Variants in SHISA9 observed in about 807,000 individuals in gnomAD.
SHISA9 encodes protein shisa-9.
SHISA9 carries 13 observed loss-of-function variants against 38.0 expected under a neutral mutation model. That is an observed-to-expected ratio of 0.34 (90% CI 0.22 to 0.54). SHISA9 has a LOEUF of 0.54. Among genes scored for constraint, SHISA9 ranks in the 20% least tolerant of loss-of-function variants. The pLI is 0.91. For missense variants in SHISA9, 538 were observed against 575.8 expected (o/e 0.93, Z 0.67); for synonymous variants, 275 against 242.0 (o/e 1.14, Z -1.27).
the SHISA9 span, among the ~76,000 whole-genome samples, chr16:13,524,003 C>T: frequency 1.3e-5 from 2 of 152,112 alleles, no homozygotes; most frequent in African/African-American, 4.8e-5. Context: ...CAGGAAAATG[C>T]AGAATTTACC....
chr16:12,905,010 G>A (rs1596519783), intron 1 of SHISA9, among the ~76,000 whole-genome samples: 1 of 152,234 alleles, frequency 6.6e-6, no homozygotes, highest in East Asian at 1.9e-4. Flanking sequence ...GAGCCACTGT[G>A]CCCGATTGCA....
intron 2 of SHISA9, among the ~76,000 whole-genome samples, chr16:13,149,830 C>T (rs1287700835): frequency 1.3e-5 from 2 of 150,142 alleles, no homozygotes; most frequent in East Asian, 2.0e-4. Flanking sequence ...GAGGCTGAGG[C>T]ACAAGAATCG....
chr16:13,038,481 C>T (rs895816676), intron 2 of SHISA9, among the ~76,000 whole-genome samples: 1 of 152,186 alleles, frequency 6.6e-6, no homozygotes, highest in Non-Finnish European at 1.5e-5. Flanking sequence ...CAACCTCTTG[C>T]TTCTTTGAGG....
At chr16:13,111,903 C>T (rs535400186) in intron 2 of SHISA9, among the ~76,000 whole-genome samples, 20 of 152,128 alleles carry the variant, frequency 1.3e-4, no homozygotes, top group Non-Finnish European at 2.6e-4. Context: ...TTCGTGGAAA[C>T]CCATTTCATC....
At chr16:12,972,210 A>AG (rs1439774616) in intron 2 of SHISA9, among the ~76,000 whole-genome samples, 1 of 152,210 alleles carries the variant, frequency 6.6e-6, no homozygotes, top group Admixed American at 6.5e-5. Context: ...GTCATATATT[A>AG]GCAAGAGTGA....
At chr16:12,972,284 A>G (rs1030764786) in intron 2 of SHISA9, among the ~76,000 whole-genome samples, 1 of 152,272 alleles carries the variant, frequency 6.6e-6, no homozygotes, top group African/African-American at 2.4e-5. Context: ...GAAACAGAAG[A>G]GCAGAATGAA....
At chr16:13,233,162 A>G (rs2051348518) in intron 4 of SHISA9, among the ~76,000 whole-genome samples, 1 of 152,170 alleles carries the variant, frequency 6.6e-6, no homozygotes. Flanking sequence ...TCTGATGAGA[A>G]TTTATGGTTT....
chr16:13,222,574 G>A (rs2051237637), intron 4 of SHISA9, among the ~76,000 whole-genome samples: 1 of 152,124 alleles, frequency 6.6e-6, no homozygotes, highest in Admixed American at 6.5e-5. Context: ...CTTCCAGGAA[G>A]GCTGGTAAAT....
the SHISA9 span, among the ~76,000 whole-genome samples, chr16:13,539,357 A>G: frequency 5.3e-5 from 4 of 75,470 alleles, no homozygotes; most frequent in Non-Finnish European, 1.1e-4. Context: ...ATATATATAT[A>G]TAAAGACAGG....
At chr16:13,371,970 C>T in the SHISA9 span, among the ~76,000 whole-genome samples, 1 of 152,252 alleles carries the variant, frequency 6.6e-6, no homozygotes, top group Non-Finnish European at 1.5e-5. Flanking sequence ...TTTCTCTTGC[C>T]TGCCTTTCTT....
the SHISA9 span, among the ~76,000 whole-genome samples, chr16:13,505,957 A>G: frequency 6.6e-6 from 1 of 152,226 alleles, no homozygotes; most frequent in African/African-American, 2.4e-5. Flanking sequence ...CCACTGGAGA[A>G]CAGTCATCTG....
chr16:13,183,486 G>T (rs1420129377), intron 2 of SHISA9, among the ~76,000 whole-genome samples: 1 of 152,208 alleles, frequency 6.6e-6, no homozygotes, highest in Non-Finnish European at 1.5e-5. Context: ...TCCTTAAAAG[G>T]CATAAAATGC....
chr16:13,450,458 C>T, the SHISA9 span, among the ~76,000 whole-genome samples: 40 of 152,310 alleles, frequency 2.6e-4, no homozygotes, highest in East Asian at 6.9e-3. Context: ...CCATTCATGG[C>T]CACTTCAACT....
the SHISA9 span, among the ~76,000 whole-genome samples, chr16:13,534,364 A>G: frequency 6.6e-6 from 1 of 151,818 alleles, no homozygotes; most frequent in Non-Finnish European, 1.5e-5. Flanking sequence ...AGCTGGGACT[A>G]TAGGTGTATG....
intron 2 of SHISA9, among the ~76,000 whole-genome samples, chr16:13,189,742 A>C (rs1335595145): frequency 6.6e-6 from 1 of 152,174 alleles, no homozygotes; most frequent in Non-Finnish European, 1.5e-5. Context: ...ACAGAAGAAA[A>C]CTGTATTTTT....
chr16:13,178,079 C>T (rs528847937), intron 2 of SHISA9, among the ~76,000 whole-genome samples: 27 of 152,236 alleles, frequency 1.8e-4, no homozygotes, highest in South Asian at 1.5e-3. Flanking sequence ...ATAATCACAT[C>T]GATTTTGAGG....
chr16:13,012,513 C>A (rs1198522320), intron 2 of SHISA9, among the ~76,000 whole-genome samples: 1 of 152,024 alleles, frequency 6.6e-6, no homozygotes, highest in African/African-American at 2.4e-5. Flanking sequence ...GGGGATGAGA[C>A]CAAACAACTG....
chr16:13,272,010 G>A, the SHISA9 span, among the ~76,000 whole-genome samples: 1 of 151,734 alleles, frequency 6.6e-6, no homozygotes, highest in Non-Finnish European at 1.5e-5. Flanking sequence ...ACCCAGGAAG[G>A]AGAGTTTGCA....
chr16:13,245,580 C>G, the SHISA9 span, among the ~76,000 whole-genome samples: 639 of 152,230 alleles, frequency 4.2e-3, 6 homozygotes, highest in African/African-American at 0.015. Context: ...TTCCTATAAC[C>G]TCACAAAATT....
Sources: gnomAD v4.1 joint callset for allele counts (sites outside exome capture counted in the v4.1 genomes callset) on GRCh38, gnomAD v4.1.1 for gene constraint, MANE v1.5 for transcripts, NCBI Gene and HGNC (gene_info 2026-07-23, HGNC 2026-07-21) for gene names.